Variants in ZSCAN4 observed in about 807,000 individuals in gnomAD.
ZSCAN4 encodes zinc finger and SCAN domain-containing protein 4.
Under a neutral mutation model 18.3 loss-of-function variants are expected in ZSCAN4, and 18 were observed. The observed-to-expected ratio is 0.98, with a 90% confidence interval of 0.68 to 1.46. ZSCAN4 has a LOEUF of 1.46. Among genes scored for constraint, ZSCAN4 ranks in the 40% most tolerant of loss-of-function variants. The pLI is 0.00. For missense variants in ZSCAN4, 498 were observed against 511.4 expected (o/e 0.97, Z 0.25); for synonymous variants, 193 against 180.3 (o/e 1.07, Z -0.57).
intron 2 of ZSCAN4, among the ~76,000 whole-genome samples, chr19:57,673,013 CCT>C (rs1358269216): frequency 6.6e-6 from 1 of 151,924 alleles, no homozygotes; most frequent in East Asian, 1.9e-4. Context: ...TTTTCCCTAG[CCT>C]GAGAAGGACA....
At chr19:57,660,964 G>A in the ZSCAN4 span, among the ~76,000 whole-genome samples, 1 of 152,112 alleles carries the variant, frequency 6.6e-6, no homozygotes, top group African/African-American at 2.4e-5. Context: ...TGAAGAATTG[G>A]TGTGATTGAT....
At chr19:57,678,840 C>T (rs761426915) in exon 5 of ZSCAN4, 11 of 1,613,860 alleles carry the variant, frequency 6.8e-6, no homozygotes, top group African/African-American at 5.3e-5. Flanking sequence ...CACATACCAC[C>T]GCCATATGAG....
At position 57,677,678 on chromosome 19, in the gene ZSCAN4, A is replaced by T. The variant is rs1424844396; in HGVS notation, c.397-236A>T. Among the ~76,000 whole-genome samples the T allele has an allele frequency of 5.3e-5, 8 of 152,254 alleles. No homozygotes were observed. The East Asian group carries it at 1.3e-3, about 26-fold the overall frequency. ...TGTAGCCAGAAGCTCACAGGAAACT[A>T]ACCCTGAATTTTTCCTAGGGGAAAT... On this transcript the variant is annotated intron_variant, in intron 3 of 4. Coordinates refer to ENST00000318203, the Ensembl canonical transcript of ZSCAN4.
At chr19:57,672,567 C>A (rs1984054176) in intron 2 of ZSCAN4, among the ~76,000 whole-genome samples, 1 of 151,678 alleles carries the variant, frequency 6.6e-6, no homozygotes, top group Non-Finnish European at 1.5e-5. Context: ...TTACCACGAT[C>A]AAGCTAGTTA....
intron 2 of ZSCAN4, among the ~76,000 whole-genome samples, chr19:57,672,991 C>A (rs1281224639): frequency 6.6e-6 from 1 of 152,050 alleles, no homozygotes; most frequent in Non-Finnish European, 1.5e-5. Context: ...ATCTCCAGAG[C>A]ATATTCATTT....
chr19:57,652,437 G>A, the ZSCAN4 span, among the ~76,000 whole-genome samples: 4 of 152,056 alleles, frequency 2.6e-5, no homozygotes, highest in Non-Finnish European at 5.9e-5. Flanking sequence ...TGTCAATCCT[G>A]TTCACCCTTT....
chr19:57,667,580 G>C (rs1161948640), upstream of ZSCAN4, among the ~76,000 whole-genome samples: 2 of 152,202 alleles, frequency 1.3e-5, no homozygotes, highest in African/African-American at 4.8e-5. Context: ...TTAAAGGTTA[G>C]TTATTATGAT....
intron 3 of ZSCAN4, among the ~76,000 whole-genome samples, chr19:57,677,419 AT>A (rs71188043): frequency 0.64 from 95,274 of 149,502 alleles, 31,272 homozygotes; most frequent in African/African-American, 0.82. Context: ...TTAGTGGCAC[AT>A]TTTTTTTTTT....
chr19:57,678,443 G>A, exon 5 of ZSCAN4: 2 of 1,614,144 alleles, frequency 1.2e-6, no homozygotes, highest in Non-Finnish European at 1.7e-6. Context: ...AACCAGAGCA[G>A]TCCTCCCCTG....
chr19:57,653,466 C>T, the ZSCAN4 span, among the ~76,000 whole-genome samples: 10 of 151,736 alleles, frequency 6.6e-5, no homozygotes, highest in Non-Finnish European at 1.5e-5. Flanking sequence ...TTAAATACAC[C>T]ACCTAAAGCC....
the ZSCAN4 span, among the ~76,000 whole-genome samples, chr19:57,656,202 A>G: frequency 1.3e-5 from 2 of 152,188 alleles, no homozygotes; most frequent in African/African-American, 2.4e-5. Flanking sequence ...CCAGAGAGCT[A>G]CAGATGCCAT....
chr19:57,665,276 T>A (rs138723187), upstream of ZSCAN4, among the ~76,000 whole-genome samples: 338 of 152,290 alleles, frequency 2.2e-3, 6 homozygotes, highest in African/African-American at 7.8e-3. Flanking sequence ...TAGGATTCCA[T>A]TTTCTGTAAC....
At chr19:57,672,196 CAG>C (rs1212152238) in intron 2 of ZSCAN4, among the ~76,000 whole-genome samples, 1 of 152,030 alleles carries the variant, frequency 6.6e-6, no homozygotes, top group African/African-American at 2.4e-5. Context: ...GGAGTAAAAA[CAG>C]ATAAACATAA....
At chr19:57,678,051 C>T (rs1264921030) in exon 4 of ZSCAN4, 1 of 1,587,364 alleles carries the variant, frequency 6.3e-7, no homozygotes, top group Non-Finnish European at 8.5e-7. Flanking sequence ...CCCAGACTTC[C>T]CAAGATACTT....
Position 57,669,010 on chromosome 19 carries a change from T to A in ZSCAN4, c.-622T>A, listed in dbSNP as rs546337486. 21 of 151,660 alleles carry A rather than the reference T, an allele frequency of 1.4e-4. No individual in the cohort carries two copies. In the East Asian group the frequency reaches 2.1e-3, roughly 15 times the overall value. The allele number at this position is 151,660 out of a possible 1,614,324, so 9.4% of individuals were successfully genotyped here. ...TCATGTTTCTATGAGTAATTTATAA[T>A]AAAACTTGATCAGAATTTGTGAGAC... On this transcript the variant is annotated 5_prime_UTR_variant, in exon 1 of 5. Coordinates refer to ENST00000318203, the Ensembl canonical transcript of ZSCAN4.
chr19:57,656,501 C>A, the ZSCAN4 span, among the ~76,000 whole-genome samples: 1 of 152,222 alleles, frequency 6.6e-6, no homozygotes, highest in African/African-American at 2.4e-5. Context: ...CCATGACAAC[C>A]AACCTTGAAT....
upstream of ZSCAN4, among the ~76,000 whole-genome samples, chr19:57,668,590 T>A (rs1267725165): frequency 1.3e-5 from 2 of 152,108 alleles, no homozygotes; most frequent in East Asian, 1.9e-4. Context: ...ACCCCTTCGA[T>A]ACGTTCTCAA....
chr19:57,662,546 G>A, the ZSCAN4 span, among the ~76,000 whole-genome samples: 1 of 152,020 alleles, frequency 6.6e-6, no homozygotes, highest in African/African-American at 2.4e-5. Context: ...ACCGCTGAGA[G>A]ATTTGGTTTT....
At chr19:57,673,764 T>G (rs1392515303) in intron 2 of ZSCAN4, among the ~76,000 whole-genome samples, 4 of 152,132 alleles carry the variant, frequency 2.6e-5, no homozygotes, top group Non-Finnish European at 5.9e-5. Flanking sequence ...TTATTATTAT[T>G]ATTATTATTG....
Sources: gnomAD v4.1 joint callset for allele counts (sites outside exome capture counted in the v4.1 genomes callset) on GRCh38, gnomAD v4.1.1 for gene constraint, MANE v1.5 for transcripts, NCBI Gene and HGNC (gene_info 2026-07-23, HGNC 2026-07-21) for gene names.